ADAMTSL1: variants seen among roughly 807,000 people sequenced by gnomAD.
ADAMTSL1 encodes ADAMTS like 1, also known as ADAMTS-like protein 1.
Under a neutral mutation model 201.8 loss-of-function variants are expected in ADAMTSL1, and 126 were observed. That is an observed-to-expected ratio of 0.62 (90% CI 0.54 to 0.72). The LOEUF is 0.72. Ranked by LOEUF, ADAMTSL1 falls within the 30% of genes least tolerant of loss-of-function variation. The pLI is 0.00. For synonymous variants in ADAMTSL1, 1,121 were observed against 903.4 expected (o/e 1.24, Z -4.32); for missense variants, 2,679 against 2,277.8 (o/e 1.18, Z -3.59).
chr9:17,966,397 C>G (rs899468580), intron 1 of ADAMTSL1, among the ~76,000 whole-genome samples: 1 of 152,096 alleles, frequency 6.6e-6, no homozygotes, highest in African/African-American at 2.4e-5. Flanking sequence ...ACCACCCAAG[C>G]GAAGAAACAG....
At chr9:18,141,412 C>T (rs1178776351) in intron 1 of ADAMTSL1, among the ~76,000 whole-genome samples, 1 of 152,150 alleles carries the variant, frequency 6.6e-6, no homozygotes, top group Non-Finnish European at 1.5e-5. Flanking sequence ...GAACACCAGG[C>T]CAGCTTTTCT....
At chr9:18,194,850 A>C (rs891963893) in intron 2 of ADAMTSL1, among the ~76,000 whole-genome samples, 1 of 152,092 alleles carries the variant, frequency 6.6e-6, no homozygotes, top group Middle Eastern at 3.2e-3. Flanking sequence ...ATTCCTGGCC[A>C]AGTCTGCATT....
intron 2 of ADAMTSL1, among the ~76,000 whole-genome samples, chr9:18,439,091 A>C (rs970527507): frequency 3.3e-5 from 5 of 151,880 alleles, no homozygotes; most frequent in African/African-American, 1.2e-4. Context: ...TGCATTCCGA[A>C]AGCATCTTAC....
chr9:18,468,510 C>T (rs1219857721), intron 2 of ADAMTSL1, among the ~76,000 whole-genome samples: 1 of 152,082 alleles, frequency 6.6e-6, no homozygotes, highest in Non-Finnish European at 1.5e-5. Context: ...AGGCTCTGAG[C>T]TAAACACTCT....
chr9:18,447,034 G>A (rs770454173), intron 2 of ADAMTSL1, among the ~76,000 whole-genome samples: 6 of 151,864 alleles, frequency 4.0e-5, no homozygotes, highest in Non-Finnish European at 7.4e-5. Flanking sequence ...CACAAAATGT[G>A]GGTCACACAA....
intron 2 of ADAMTSL1, among the ~76,000 whole-genome samples, chr9:18,450,595 C>CAT (rs1443404748): frequency 1.3e-5 from 2 of 151,298 alleles, no homozygotes; most frequent in Non-Finnish European, 2.9e-5. Flanking sequence ...ATTATGTATA[C>CAT]ATATATATGT....
At chr9:18,874,357 G>A (rs1208414023) in intron 23 of ADAMTSL1, among the ~76,000 whole-genome samples, 1 of 152,084 alleles carries the variant, frequency 6.6e-6, no homozygotes, top group Non-Finnish European at 1.5e-5. Flanking sequence ...GGTAAAAGTG[G>A]GCATTCTTGT....
At chr9:18,446,965 A>G (rs1247853508) in intron 2 of ADAMTSL1, among the ~76,000 whole-genome samples, 1 of 149,030 alleles carries the variant, frequency 6.7e-6, no homozygotes, top group African/African-American at 2.6e-5. Flanking sequence ...TCAAATTAAC[A>G]TGAACATTTT....
chr9:18,253,138 G>A (rs12341775), intron 2 of ADAMTSL1, among the ~76,000 whole-genome samples: 8 of 152,156 alleles, frequency 5.3e-5, no homozygotes, highest in Non-Finnish European at 1.2e-4. Flanking sequence ...CCAAGGTGTA[G>A]AACAATATGT....
chr9:18,711,381 G>A (rs560170351), intron 14 of ADAMTSL1, among the ~76,000 whole-genome samples: 1 of 152,336 alleles, frequency 6.6e-6, no homozygotes, highest in South Asian at 2.1e-4. Flanking sequence ...GCAGGTCAGT[G>A]GGTGAGCACA....
At chr9:17,949,752 C>T (rs80083015) in intron 1 of ADAMTSL1, among the ~76,000 whole-genome samples, 1,853 of 152,260 alleles carry the variant, frequency 0.012, 33 homozygotes, top group African/African-American at 0.043. Context: ...CCCACAGCAA[C>T]ATGTGCAACT....
chr9:18,376,248 CAAA>C (rs1314124231), intron 2 of ADAMTSL1, among the ~76,000 whole-genome samples: 1 of 151,988 alleles, frequency 6.6e-6, no homozygotes, highest in Non-Finnish European at 1.5e-5. Flanking sequence ...TTCACTCATT[CAAA>C]AATATTTATT....
rs889024112 is a variant in ADAMTSL1 at position 18,910,200 on chromosome 9, G to T, written c.*1652G>T. On this transcript the variant is annotated 3_prime_UTR_variant, in exon 29 of 29. Coordinates refer to ENST00000380548, the MANE Select transcript of ADAMTSL1 (RefSeq NM_001040272.6). ...TGAGCTGTGGACAGGTTTAAGTTGG[G>T]TCTCCTTCTTCTTCACCACAAAAAC... 2 of 152,096 alleles carry T rather than the reference G, an allele frequency of 1.3e-5. No individual in the cohort carries two copies. Among genetic ancestry groups the T allele is most frequent in the African/African-American group, 4.8e-5 (2 of 41,408 alleles). 9.4% of individuals were successfully genotyped at this position (152,096 alleles called of 1,614,324 possible).
intron 13 of ADAMTSL1, among the ~76,000 whole-genome samples, chr9:18,699,868 A>G (rs758335472): frequency 1.3e-5 from 2 of 152,206 alleles, no homozygotes; most frequent in Non-Finnish European, 2.9e-5. Flanking sequence ...TGAGAAATCT[A>G]TGAAAAGAAG....
At chr9:18,516,997 C>G (rs1328176725) in intron 2 of ADAMTSL1, among the ~76,000 whole-genome samples, 1 of 152,198 alleles carries the variant, frequency 6.6e-6, no homozygotes, top group Non-Finnish European at 1.5e-5. Context: ...TCATAAATTT[C>G]TAGCTCAAGG....
At chr9:18,073,899 GC>G (rs1321636702) in intron 1 of ADAMTSL1, among the ~76,000 whole-genome samples, 1 of 152,114 alleles carries the variant, frequency 6.6e-6, no homozygotes, top group East Asian at 1.9e-4. Flanking sequence ...GAATTCTCAA[GC>G]CCTATTTTAG....
chr9:18,701,190 G>A (rs1208082021), intron 13 of ADAMTSL1, among the ~76,000 whole-genome samples: 1 of 147,454 alleles, frequency 6.8e-6, no homozygotes, highest in East Asian at 2.0e-4. Context: ...GAGTTATCCA[G>A]TAATCAGTAA....
At chr9:18,139,112 G>A (rs1214353064) in intron 1 of ADAMTSL1, among the ~76,000 whole-genome samples, 1 of 152,114 alleles carries the variant, frequency 6.6e-6, no homozygotes, top group Non-Finnish European at 1.5e-5. Context: ...ACATCTTATG[G>A]TTTTTTGACT....
intron 16 of ADAMTSL1, among the ~76,000 whole-genome samples, chr9:18,756,273 T>C (rs1819761627): frequency 1.2e-5 from 1 of 86,222 alleles, no homozygotes; most frequent in Admixed American, 1.2e-4. Flanking sequence ...AGCAAGACTC[T>C]GTCTCGACAA....
Sources: allele counts gnomAD v4.1 joint callset (sites outside exome capture counted in the v4.1 genomes callset), GRCh38; gene constraint gnomAD v4.1.1; transcripts MANE v1.5; gene names NCBI Gene and HGNC (gene_info 2026-07-23, HGNC 2026-07-21).